Variants in DLGAP2 observed in about 807,000 individuals in gnomAD.
DLGAP2 encodes the protein disks large-associated protein 2.
A neutral mutation model predicts 100.3 loss-of-function variants in DLGAP2; 26 were observed. The observed-to-expected ratio is 0.26, with a 90% CI of 0.19 to 0.36. The LOEUF is 0.36. Ranked by LOEUF, DLGAP2 falls within the 10% of genes least tolerant of loss-of-function variation. The pLI is 1.00. For missense variants in DLGAP2, 1,858 were observed against 1,453.2 expected (o/e 1.28, Z -4.53); for synonymous variants, 886 against 630.1 (o/e 1.41, Z -6.08).
intron 3 of DLGAP2, among the ~76,000 whole-genome samples, chr8:1,311,689 A>G (rs903618708): frequency 1.0e-4 from 15 of 146,034 alleles, no homozygotes; most frequent in African/African-American, 3.6e-4. Context: ...ACAAAATCTC[A>G]TAACTGTTCA....
At chr8:993,911 C>CGA (rs931376661) in intron 2 of DLGAP2, among the ~76,000 whole-genome samples, 23 of 148,144 alleles carry the variant, frequency 1.6e-4, no homozygotes, top group African/African-American at 5.7e-4. Context: ...AGGCTTGACT[C>CGA]TAATAGCAGA....
chr8:958,481 A>G lies in DLGAP2; in HGVS notation c.73+50515A>G, dbSNP rs1386418105. ...GGTTTTCATTGTTTCTGTGGGGATG[A>G]GAGATGGAAGCGGCTCATTCAGACA... On this transcript the variant is annotated intron_variant, in intron 2 of 14. Coordinates refer to ENST00000637795, the MANE Select transcript of DLGAP2 (RefSeq NM_001346810.2). 1.0e-4 allele frequency among the ~76,000 whole-genome samples: 15 copies of G among 150,030 alleles called. No individual in the cohort carries two copies. The Admixed American group carries it at 1.0e-3, about 10-fold the overall frequency.
intron 2 of DLGAP2, among the ~76,000 whole-genome samples, chr8:1,108,593 A>G (rs1456339802): frequency 2.0e-4 from 18 of 90,210 alleles, no homozygotes; most frequent in South Asian, 3.9e-4. Flanking sequence ...GGTCTGTGAG[A>G]TGTGCATGGG....
At chr8:775,878 G>T (rs1422851422) in intron 1 of DLGAP2, among the ~76,000 whole-genome samples, 11 of 145,866 alleles carry the variant, frequency 7.5e-5, no homozygotes, top group African/African-American at 2.3e-4. Flanking sequence ...ATGAGTTAGG[G>T]AGGATTCCCT....
At chr8:1,243,963 C>G (rs1217755868) in intron 2 of DLGAP2, among the ~76,000 whole-genome samples, 1 of 152,156 alleles carries the variant, frequency 6.6e-6, no homozygotes, top group Non-Finnish European at 1.5e-5. Flanking sequence ...CAGCTCCCAG[C>G]CTCCGCACTC....
At chr8:1,504,181 C>T (rs1005702595) in intron 4 of DLGAP2, among the ~76,000 whole-genome samples, 13 of 150,974 alleles carry the variant, frequency 8.6e-5, no homozygotes, top group African/African-American at 3.2e-4. Flanking sequence ...TGGCCATTGT[C>T]GTCTTTAAAA....
chr8:1,338,479 G>A (rs1801338815), intron 3 of DLGAP2, among the ~76,000 whole-genome samples: 2 of 152,298 alleles, frequency 1.3e-5, no homozygotes, highest in South Asian at 4.1e-4. Context: ...TGGGTCTGGG[G>A]GCAGGAAGGA....
intron 2 of DLGAP2, among the ~76,000 whole-genome samples, chr8:1,005,855 C>G (rs1334036618): frequency 6.6e-6 from 1 of 152,098 alleles, no homozygotes; most frequent in Non-Finnish European, 1.5e-5. Flanking sequence ...GGAATGTGCT[C>G]CAGATGTCCC....
chr8:831,369 C>G, intron 1 of DLGAP2, among the ~76,000 whole-genome samples: 1 of 152,008 alleles, frequency 6.6e-6, no homozygotes, highest in East Asian at 1.9e-4. Context: ...TACCCCAGCC[C>G]CCCATCCCGC....
intron 3 of DLGAP2, among the ~76,000 whole-genome samples, chr8:1,467,269 C>T (rs1457648226): frequency 6.6e-6 from 1 of 152,014 alleles, no homozygotes; most frequent in East Asian, 1.9e-4. Context: ...CCCAGCCCCA[C>T]TGCACCCTCA....
chr8:1,318,312 G>A (rs528714237), intron 3 of DLGAP2, among the ~76,000 whole-genome samples: 1 of 152,162 alleles, frequency 6.6e-6, no homozygotes, highest in African/African-American at 2.4e-5. Flanking sequence ...GTCAAAGAAT[G>A]TATAGCTTTA....
intron 4 of DLGAP2, among the ~76,000 whole-genome samples, chr8:1,539,835 G>A (rs893568238): frequency 1.3e-5 from 2 of 152,096 alleles, no homozygotes; most frequent in Admixed American, 6.5e-5. Context: ...TGAGCACCAC[G>A]GCCCGTGTCC....
chr8:859,940 T>G (rs996683553), intron 1 of DLGAP2, among the ~76,000 whole-genome samples: 2 of 152,126 alleles, frequency 1.3e-5, no homozygotes, highest in East Asian at 1.9e-4. Flanking sequence ...AGTATTGAGG[T>G]GTTGCTGTTG....
At chr8:1,031,503 C>T (rs34632984) in intron 2 of DLGAP2, among the ~76,000 whole-genome samples, 24,206 of 151,982 alleles carry the variant, frequency 0.16, 2,357 homozygotes, top group Non-Finnish European at 0.22. Flanking sequence ...CCTCAACCTC[C>T]CGGGCTCAAG....
intron 3 of DLGAP2, among the ~76,000 whole-genome samples, chr8:1,374,836 A>C (rs935459286): frequency 6.6e-6 from 1 of 152,188 alleles, no homozygotes; most frequent in African/African-American, 2.4e-5. Context: ...CAGGAAAGCA[A>C]CTGTGCGTGG....
chr8:1,442,051 A>G (rs1171316255), intron 3 of DLGAP2, among the ~76,000 whole-genome samples: 1 of 152,184 alleles, frequency 6.6e-6, no homozygotes, highest in East Asian at 1.9e-4. Context: ...ACACAGACCC[A>G]GAGGGCACCT....
intron 8 of DLGAP2, among the ~76,000 whole-genome samples, chr8:1,665,430 G>C (rs1045882108): frequency 6.6e-6 from 1 of 152,316 alleles, no homozygotes. Flanking sequence ...TATGACGCTT[G>C]ATATGTGCCA....
At chr8:903,462 T>C (rs942447012) in intron 1 of DLGAP2, among the ~76,000 whole-genome samples, 1 of 152,120 alleles carries the variant, frequency 6.6e-6, no homozygotes, top group African/African-American at 2.4e-5. Flanking sequence ...CTGTGTATTT[T>C]TGTGGCTATG....
intron 2 of DLGAP2, among the ~76,000 whole-genome samples, chr8:1,229,967 A>G (rs144396410): frequency 9.2e-5 from 14 of 152,310 alleles, no homozygotes; most frequent in Admixed American, 6.5e-4. Flanking sequence ...GAACAAGACA[A>G]GGATGCCCAC....
Sources: gnomAD v4.1 joint callset for allele counts (sites outside exome capture counted in the v4.1 genomes callset) on GRCh38, gnomAD v4.1.1 for gene constraint, MANE v1.5 for transcripts, NCBI Gene and HGNC (gene_info 2026-07-23, HGNC 2026-07-21) for gene names.